The following ACYP2 variants were observed in gnomAD, a reference collection of about 807,000 sequenced individuals.
ACYP2 encodes acylphosphatase-2.
In ACYP2, 12 loss-of-function variants were observed where a neutral mutation model predicts 11.2. The observed-to-expected ratio is 1.08, with a 90% confidence interval of 0.69 to 1.74. ACYP2 has a LOEUF of 1.74. ACYP2 is among the 40% of genes most tolerant of loss of function. The pLI is 0.00. For missense variants in ACYP2, 134 were observed against 101.9 expected, an observed-to-expected ratio of 1.31 and a Z score of -1.35; for synonymous variants, 43 against 32.2, an observed-to-expected ratio of 1.33 and a Z score of -1.13.
chr2:54,276,619 T>TCACACACACACACACACACACACACACA (rs3071186), intron 6 of ACYP2, among the ~76,000 whole-genome samples: 2 of 146,108 alleles, frequency 1.4e-5, no homozygotes, highest in African/African-American at 5.0e-5. Flanking sequence ...GATTGTTCTT[T>TCACACACACACACACACACACACACACA]CACACACACA....
intron 6 of ACYP2, chr2:54,267,467 T>C (rs1179690695): frequency 4.0e-6 from 4 of 990,710 alleles, no homozygotes; most frequent in Non-Finnish European, 5.7e-6. Flanking sequence ...GGAAGAGTGG[T>C]CCTAAAGCCT....
intron 4 of ACYP2, chr2:54,115,280 C>G: frequency 2.3e-6 from 1 of 438,476 alleles, no homozygotes; most frequent in East Asian, 4.2e-5. Context: ...ACCTTGTACA[C>G]CACAAATATA....
At chr2:54,288,884 A>G (rs553848705) in intron 6 of ACYP2, among the ~76,000 whole-genome samples, 1 of 152,044 alleles carries the variant, frequency 6.6e-6, no homozygotes, top group African/African-American at 2.4e-5. Flanking sequence ...TGTAGACCCA[A>G]TCTCAGGGAG....
intron 2 of ACYP2, among the ~76,000 whole-genome samples, chr2:54,028,132 C>T (rs1471886110): frequency 6.6e-6 from 1 of 152,076 alleles, no homozygotes; most frequent in Non-Finnish European, 1.5e-5. Context: ...CATGTGCCAC[C>T]GTGCCTGGCC....
At chr2:54,102,578 T>G (rs1651798414) in intron 4 of ACYP2, among the ~76,000 whole-genome samples, 1 of 137,440 alleles carries the variant, frequency 7.3e-6, no homozygotes, top group Non-Finnish European at 1.5e-5. Context: ...GATTTAATCC[T>G]ACATTAATCA....
Position 54,004,904 on chromosome 2 carries a change from A to AC in ACYP2, c.62+31094_62+31095insC, listed in dbSNP as rs1388729725. Among the ~76,000 whole-genome samples, 145 of 132,996 alleles carry AC rather than the reference A, an allele frequency of 1.1e-3. 5 individuals are homozygous for AC. In the East Asian group the frequency reaches 0.029, roughly 27 times the overall value. The allele number at this position is 132,996 out of a possible 152,430, so 87.3% of individuals were successfully genotyped here. On this transcript the variant is annotated intron_variant, in intron 2 of 6. Coordinates refer to ENST00000607452, the MANE Select transcript of ACYP2 (RefSeq NM_001320586.2). Reference sequence around the variant, plus strand: ...TGCAAGACTCTGTCTCAAAAAAAAAAAAAAAAAAAAACAAAAGAAAGAAAA... The same window carrying AC: ...TGCAAGACTCTGTCTCAAAAAAAAAACAAAAAAAAAAACAAAAGAAAGAAAA...
In ACYP2 at chr2:54,256,816, G is replaced by GTTTTGT. The variant is rs112087013; in HGVS notation, c.405-47869_405-47868insTGTTTT. On this transcript the variant is annotated intron_variant, in intron 6 of 6. Transcript: ENST00000607452. ...ACCACCATGCCCGGTTTTTTTGTTT[G>GTTTTGT]TTTGTTTTGTTTTGTTTTGTTTTGT... Among the ~76,000 whole-genome samples, 4 of 151,122 alleles carry GTTTTGT rather than the reference G, an allele frequency of 2.6e-5. No individual in the cohort carries two copies. The South Asian group carries it at 8.4e-4, about 32-fold the overall frequency.
chr2:54,049,323 C>T (rs1675705382), intron 2 of ACYP2, among the ~76,000 whole-genome samples: 1 of 152,112 alleles, frequency 6.6e-6, no homozygotes, highest in Admixed American at 6.6e-5. Flanking sequence ...AATCCTTCCA[C>T]CATCTTATAA....
chr2:54,091,606 G>A (rs1181355145), intron 4 of ACYP2, among the ~76,000 whole-genome samples: 3 of 151,764 alleles, frequency 2.0e-5, no homozygotes, highest in Non-Finnish European at 2.9e-5. Context: ...CCATCTCCTG[G>A]GTTCAAACAA....
chr2:54,045,190 A>G (rs996524578), intron 2 of ACYP2, among the ~76,000 whole-genome samples: 1 of 152,158 alleles, frequency 6.6e-6, no homozygotes, highest in Non-Finnish European at 1.5e-5. Flanking sequence ...CCACATCCTA[A>G]TGATTTCATC....
At chr2:54,089,654 C>G (rs1411091428) in intron 4 of ACYP2, among the ~76,000 whole-genome samples, 2 of 151,922 alleles carry the variant, frequency 1.3e-5, no homozygotes, top group South Asian at 4.2e-4. Flanking sequence ...GTGAAAGGAT[C>G]GCCTAAGCCC....
intron 6 of ACYP2, among the ~76,000 whole-genome samples, chr2:54,228,462 T>C (rs917201319): frequency 2.0e-5 from 3 of 152,158 alleles, no homozygotes; most frequent in Non-Finnish European, 2.9e-5. Flanking sequence ...GTTAAGAAAC[T>C]TACTTAAGGT....
intron 6 of ACYP2, among the ~76,000 whole-genome samples, chr2:54,207,171 ATATGTGTGT>A (rs1558613382): frequency 1.9e-3 from 128 of 68,490 alleles, no homozygotes; most frequent in Middle Eastern, 6.9e-3. Flanking sequence ...TACAACATGT[ATATGTGTGT>A]GTGTGTGTGT....
chr2:54,252,456 A>C (rs187972188), intron 6 of ACYP2, among the ~76,000 whole-genome samples: 88 of 152,314 alleles, frequency 5.8e-4, no homozygotes, highest in Non-Finnish European at 7.9e-4. Context: ...TGGTGCTGCC[A>C]AACAACTTTC....
At chr2:54,050,641 G>T (rs1675803138) in intron 2 of ACYP2, among the ~76,000 whole-genome samples, 1 of 152,020 alleles carries the variant, frequency 6.6e-6, no homozygotes, top group South Asian at 2.1e-4. Context: ...AGTTATATGG[G>T]TTTTAAAAAA....
chr2:54,010,333 A>T (rs1673289651), intron 2 of ACYP2, among the ~76,000 whole-genome samples: 1 of 152,006 alleles, frequency 6.6e-6, no homozygotes, highest in Non-Finnish European at 1.5e-5. Flanking sequence ...AAAATACAAA[A>T]ATTAGTTGGG....
At chr2:54,106,278 G>A (rs1679153479) in intron 4 of ACYP2, among the ~76,000 whole-genome samples, 1 of 151,880 alleles carries the variant, frequency 6.6e-6, no homozygotes, top group Non-Finnish European at 1.5e-5. Flanking sequence ...TTGTAGAGAT[G>A]GGTTGCCCAG....
At chr2:54,152,434 T>C (rs1261835315) in intron 6 of ACYP2, among the ~76,000 whole-genome samples, 1 of 152,148 alleles carries the variant, frequency 6.6e-6, no homozygotes, top group Admixed American at 6.5e-5. Flanking sequence ...AGAGTTCACT[T>C]GTGATGTTGT....
At chr2:53,990,592 C>A (rs1277029638) in intron 2 of ACYP2, among the ~76,000 whole-genome samples, 15 of 142,246 alleles carry the variant, frequency 1.1e-4, no homozygotes, top group Admixed American at 3.8e-4. Flanking sequence ...CAGTTTGCAG[C>A]GAGCCGAGAT....
Sources: allele counts gnomAD v4.1 joint callset (sites outside exome capture counted in the v4.1 genomes callset), GRCh38; gene constraint gnomAD v4.1.1; transcripts MANE v1.5; gene names NCBI Gene and HGNC (gene_info 2026-07-23, HGNC 2026-07-21).